The following ENTREP2 variants were observed in gnomAD, a reference collection of about 807,000 sequenced individuals.
The protein encoded by ENTREP2 is endosomal transmembrane epsin interactor 2, also known as protein ENTREP2.
chr15:29,118,617 A>G, the ENTREP2 span, among the ~76,000 whole-genome samples: 1 of 152,176 alleles, frequency 6.6e-6, no homozygotes, highest in Non-Finnish European at 1.5e-5. Flanking sequence ...TCCGCAGAGC[A>G]CTCACTAATG....
the ENTREP2 span, among the ~76,000 whole-genome samples, chr15:29,637,594 ACTTCT>A: frequency 6.6e-6 from 1 of 152,166 alleles, no homozygotes; most frequent in East Asian, 1.9e-4. Context: ...AACATACTCT[ACTTCT>A]CTGAAGTTGA....
chr15:29,544,512 C>A, the ENTREP2 span, among the ~76,000 whole-genome samples: 1 of 152,122 alleles, frequency 6.6e-6, no homozygotes, highest in Non-Finnish European at 1.5e-5. Context: ...TATTTTACCA[C>A]AATTAACATT....
chr15:29,202,464 A>G, the ENTREP2 span, among the ~76,000 whole-genome samples: 103 of 152,146 alleles, frequency 6.8e-4, no homozygotes, highest in Middle Eastern at 0.01. Flanking sequence ...ATCACCTCCC[A>G]TTTTAAAAAT....
the ENTREP2 span, among the ~76,000 whole-genome samples, chr15:29,316,439 T>C: frequency 1.4e-4 from 21 of 152,308 alleles, no homozygotes; most frequent in African/African-American, 4.3e-4. Flanking sequence ...TATTTGATGA[T>C]AAACCAAATT....
the ENTREP2 span, among the ~76,000 whole-genome samples, chr15:29,185,618 G>GT: frequency 1.3e-5 from 2 of 152,136 alleles, no homozygotes; most frequent in Admixed American, 6.5e-5. Flanking sequence ...CTGGAGTGCA[G>GT]TGGTGTGATT....
chr15:29,605,796 T>C, the ENTREP2 span, among the ~76,000 whole-genome samples: 1 of 151,926 alleles, frequency 6.6e-6, no homozygotes, highest in African/African-American at 2.4e-5. Flanking sequence ...GAGAGCACCA[T>C]TGCACTCCAG....
At chr15:29,126,134 AG>A in the ENTREP2 span, 1 of 753,692 alleles carries the variant, frequency 1.3e-6, no homozygotes. Flanking sequence ...GGGGCCATCA[AG>A]ACCACATTCC....
the ENTREP2 span, among the ~76,000 whole-genome samples, chr15:29,211,754 A>G: frequency 6.6e-6 from 1 of 152,024 alleles, no homozygotes; most frequent in African/African-American, 2.4e-5. Flanking sequence ...TTTTGTATTT[A>G]ATTCTGTTTA....
chr15:29,146,559 T>A, the ENTREP2 span, among the ~76,000 whole-genome samples: 3 of 152,172 alleles, frequency 2.0e-5, no homozygotes, highest in Admixed American at 2.0e-4. Context: ...AAAGATTCAT[T>A]TTTTCAACAA....
the ENTREP2 span, among the ~76,000 whole-genome samples, chr15:29,447,927 G>C: frequency 4.6e-5 from 7 of 152,090 alleles, no homozygotes; most frequent in African/African-American, 1.4e-4. Context: ...TTAGCTGGGC[G>C]TGGTGGCAAG....
chr15:29,132,717 CA>C, the ENTREP2 span, among the ~76,000 whole-genome samples: 3 of 152,222 alleles, frequency 2.0e-5, no homozygotes, highest in East Asian at 5.8e-4. Context: ...AACAGGAACC[CA>C]TTCCTTCCGG....
At chr15:29,596,622 C>T in the ENTREP2 span, among the ~76,000 whole-genome samples, 5 of 152,078 alleles carry the variant, frequency 3.3e-5, no homozygotes, top group African/African-American at 9.7e-5. Flanking sequence ...ATCCTTTTGT[C>T]GCATTCTGCC....
At chr15:29,616,548 C>A in the ENTREP2 span, among the ~76,000 whole-genome samples, 1 of 152,118 alleles carries the variant, frequency 6.6e-6, no homozygotes, top group Non-Finnish European at 1.5e-5. Context: ...TTCTGCATTG[C>A]ATATATTTAA....
the ENTREP2 span, among the ~76,000 whole-genome samples, chr15:29,446,028 G>A: frequency 6.6e-6 from 1 of 152,208 alleles, no homozygotes; most frequent in African/African-American, 2.4e-5. Flanking sequence ...TGGAAAAACT[G>A]TGTTTTTCTA....
chr15:29,667,421 C>T, the ENTREP2 span, among the ~76,000 whole-genome samples: 279 of 151,072 alleles, frequency 1.8e-3, no homozygotes, highest in African/African-American at 6.5e-3. Context: ...ATCTCCTGAC[C>T]TCATGATCTG....
chr15:29,521,751 C>A, the ENTREP2 span, among the ~76,000 whole-genome samples: 1 of 152,174 alleles, frequency 6.6e-6, no homozygotes, highest in Non-Finnish European at 1.5e-5. Flanking sequence ...GAGTAAGTGG[C>A]ACTGACCACA....
At chr15:29,255,868 G>C in the ENTREP2 span, among the ~76,000 whole-genome samples, 2 of 151,996 alleles carry the variant, frequency 1.3e-5, no homozygotes, top group Non-Finnish European at 2.9e-5. Context: ...AGGCATGGTG[G>C]TGGGCGCCTG....
chr15:29,169,241 A>T, the ENTREP2 span, among the ~76,000 whole-genome samples: 1 of 152,226 alleles, frequency 6.6e-6, no homozygotes, highest in African/African-American at 2.4e-5. Context: ...GTTGAACAAA[A>T]CACCATTTTT....
the ENTREP2 span, among the ~76,000 whole-genome samples, chr15:29,307,785 G>A: frequency 6.6e-6 from 1 of 152,080 alleles, no homozygotes; most frequent in Non-Finnish European, 1.5e-5. Context: ...GTGGGAAGGC[G>A]GCCGTCTGCA....
Sources: allele counts gnomAD v4.1 joint callset (sites outside exome capture counted in the v4.1 genomes callset), GRCh38; gene constraint gnomAD v4.1.1; transcripts MANE v1.5; gene names NCBI Gene and HGNC (gene_info 2026-07-23, HGNC 2026-07-21).